The following IRGM variants were observed in gnomAD, a reference collection of about 807,000 sequenced individuals.
IRGM encodes immunity related GTPase M, also known as immunity-related GTPase family M protein.
For missense variants in IRGM, 288 were observed against 219.9 expected (o/e 1.31, Z -1.96); for synonymous variants, 98 against 80.6 (o/e 1.22, Z -1.16).
intron 1 of IRGM, among the ~76,000 whole-genome samples, chr5:150,866,198 G>C (rs1317238101): frequency 2.6e-5 from 4 of 152,186 alleles, no homozygotes; most frequent in Non-Finnish European, 5.9e-5. Flanking sequence ...ATTCTGATAA[G>C]TCATTTCCAG....
At chr5:150,893,873 T>C (rs1754661400) in intron 3 of IRGM, among the ~76,000 whole-genome samples, 1 of 152,118 alleles carries the variant, frequency 6.6e-6, no homozygotes, top group South Asian at 2.1e-4. Context: ...ATGGGTTTGC[T>C]CTTTTGGATT....
At chr5:150,873,047 G>A (rs1016988517) in intron 1 of IRGM, among the ~76,000 whole-genome samples, 10 of 152,168 alleles carry the variant, frequency 6.6e-5, no homozygotes, top group African/African-American at 1.7e-4. Flanking sequence ...ATTGGATCCC[G>A]AGGTGGCACG....
At chr5:150,896,468 A>T in intron 3 of IRGM, 1 of 1,613,522 alleles carries the variant, frequency 6.2e-7, no homozygotes, top group Non-Finnish European at 8.5e-7. Flanking sequence ...TCTGATATTG[A>T]ATAAGGGATT....
chr5:150,867,591 T>C (rs2113273027), intron 1 of IRGM, among the ~76,000 whole-genome samples: 1 of 152,144 alleles, frequency 6.6e-6, no homozygotes, highest in Non-Finnish European at 1.5e-5. Flanking sequence ...GTTTACATTC[T>C]TACCAGCAGT....
intron 3 of IRGM, among the ~76,000 whole-genome samples, chr5:150,893,415 T>C (rs1418488552): frequency 6.6e-6 from 1 of 152,204 alleles, no homozygotes; most frequent in Non-Finnish European, 1.5e-5. Flanking sequence ...GGCATTTCTG[T>C]ATATCATTTT....
In IRGM at chr5:150,846,823, A is replaced by G. The variant is rs10058821; in HGVS notation, c.-813A>G. 31,519 of 153,402 alleles carry G rather than the reference A, an allele frequency of 0.21. 5,234 individuals carry two copies. Among genetic ancestry groups the G allele is most frequent in the African/African-American group, 0.44 (18,283 of 41,388 alleles). 9.5% of individuals were successfully genotyped at this position (153,402 alleles called of 1,614,324 possible). On this transcript the variant is annotated 5_prime_UTR_variant, in exon 1 of 2. Coordinates refer to ENST00000522154, the MANE Select transcript of IRGM (RefSeq NM_001145805.2). Reference sequence around the variant, plus strand: ...GAAGAAACTCTGAACACATCCAAACATCAGAAGGAACAAACTCCGGACACG... The same window carrying G: ...GAAGAAACTCTGAACACATCCAAACGTCAGAAGGAACAAACTCCGGACACG...
chr5:150,858,243 C>T (rs1204463371), intron 1 of IRGM, among the ~76,000 whole-genome samples: 32 of 151,506 alleles, frequency 2.1e-4, no homozygotes, highest in South Asian at 4.2e-4. Context: ...TGTAGATATG[C>T]GGCATTATTT....
intron 1 of IRGM, among the ~76,000 whole-genome samples, chr5:150,862,786 C>G (rs1464367766): frequency 6.6e-6 from 1 of 152,142 alleles, no homozygotes; most frequent in African/African-American, 2.4e-5. Context: ...CAAGAAGCAT[C>G]CTGGGGCTAG....
chr5:150,848,463 G>A lies in IRGM; in HGVS notation c.340G>A (p.Asp114Asn). ...YLMEMQFNRY[D>N]FIMVASAQFS... ...GATGGAAATGCAGTTCAACCGGTATGACTTCATCATGGTTGCATCTGCACA... is the reference window on the plus strand; with the variant it reads ...GATGGAAATGCAGTTCAACCGGTATAACTTCATCATGGTTGCATCTGCACA... The change falls in exon 2 of 2, where the codon GAC becomes AAC. Residue 114 changes from aspartate to asparagine, a missense_variant. By Grantham distance (23) the Asp-to-Asn change is conservative. Coordinates refer to ENST00000522154, the MANE Select transcript of IRGM (RefSeq NM_001145805.2). 6.4e-7 allele frequency: 1 copy of A among 1,551,814 alleles called. No individual in the cohort carries two copies. Among genetic ancestry groups the A allele is most frequent in the Non-Finnish European group, 8.7e-7 (1 of 1,146,956 alleles).
intron 3 of IRGM, among the ~76,000 whole-genome samples, chr5:150,885,812 G>C (rs1754512093): frequency 6.6e-6 from 1 of 152,104 alleles, no homozygotes; most frequent in Non-Finnish European, 1.5e-5. Flanking sequence ...AGAAGCTTTT[G>C]AGCTGAGACT....
At chr5:150,850,677 C>T (rs150493373), downstream of IRGM, among the ~76,000 whole-genome samples, 1 of 152,298 alleles carries the variant, frequency 6.6e-6, no homozygotes, top group African/African-American at 2.4e-5. Flanking sequence ...CCTCAGCCTC[C>T]TGAGTAGCTA....
chr5:150,848,353 C>T lies in IRGM; in HGVS notation c.230C>T (p.Ser77Phe), dbSNP rs904216759. Reference sequence around the variant, plus strand: ...GTAAAAGCTACCCAAAGATGTGCCTCCTATTTCTCTTCCCACTTTTCAAAT... The same window carrying T: ...GTAAAAGCTACCCAAAGATGTGCCTTCTATTTCTCTTCCCACTTTTCAAAT... ...ELVKATQRCASYFSSHFSNVV... is the reference protein window; with the variant it reads ...ELVKATQRCAFYFSSHFSNVV... Residue 77 changes from serine to phenylalanine, a missense_variant, in exon 2 of 2, where the codon TCC (serine) becomes TTC (phenylalanine). Transcript: ENST00000522154. 7.1e-6 allele frequency: 11 copies of T among 1,551,728 alleles called. No individual in the cohort carries two copies. In the Admixed American group the frequency reaches 1.8e-4, roughly 25 times the overall value.
At chr5:150,865,743 C>T (rs1046368618) in intron 1 of IRGM, among the ~76,000 whole-genome samples, 4 of 152,132 alleles carry the variant, frequency 2.6e-5, no homozygotes, top group African/African-American at 9.7e-5. Context: ...GGAAAATATT[C>T]TTCATTATCA....
intron 1 of IRGM, among the ~76,000 whole-genome samples, chr5:150,855,598 C>T (rs1016580248): frequency 5.9e-5 from 9 of 152,158 alleles, no homozygotes; most frequent in Non-Finnish European, 1.3e-4. Context: ...GGTCAGCGTA[C>T]TAGGTCTGAT....
chr5:150,879,503 T>TAAAA (rs1754413411), intron 2 of IRGM: 1 of 152,198 alleles, frequency 6.6e-6, no homozygotes, highest in Non-Finnish European at 1.5e-5. Flanking sequence ...GCCAAGTACT[T>TAAAA]AGTCTGGCCA....
At chr5:150,896,109 C>T in intron 3 of IRGM, 2 of 1,613,388 alleles carry the variant, frequency 1.2e-6, no homozygotes, top group South Asian at 2.2e-5. Context: ...GGGTTTTTCC[C>T]CAGTATGTAT....
At chr5:150,884,539 C>T (rs142442269) in intron 3 of IRGM, among the ~76,000 whole-genome samples, 13 of 152,136 alleles carry the variant, frequency 8.5e-5, no homozygotes, top group Non-Finnish European at 1.2e-4. Flanking sequence ...TTTCACCAAC[C>T]GTGTATAAAT....
At chr5:150,853,563 T>G (rs1490104758), downstream of IRGM, among the ~76,000 whole-genome samples, 2 of 152,146 alleles carry the variant, frequency 1.3e-5, no homozygotes, top group Admixed American at 6.5e-5. Context: ...AATGCTTGGT[T>G]AATATATTTT....
chr5:150,848,442 GAA>G lies in IRGM; in HGVS notation c.321_322del (p.Glu107AspfsTer7). 1 of 1,551,788 alleles carries G rather than the reference GAA, an allele frequency of 6.4e-7. No individual in the cohort carries two copies. The highest frequency in any genetic ancestry group is 8.7e-7 in the Non-Finnish European group (1 of 1,146,958). On this transcript the variant is annotated frameshift_variant, in exon 2 of 2. Transcript: ENST00000522154. LOFTEE classifies it low-confidence loss of function (END_TRUNC). ...CACAACCCTGGAGAACTACCTGATG[GAA>G]ATGCAGTTCAACCGGTATGACTTCA... ...ATTTLENYLM[E>X]MQFNRYDFIM...
Sources: gnomAD v4.1 joint callset for allele counts (sites outside exome capture counted in the v4.1 genomes callset) on GRCh38, gnomAD v4.1.1 for gene constraint, MANE v1.5 for transcripts, NCBI Gene and HGNC (gene_info 2026-07-23, HGNC 2026-07-21) for gene names.